RP2: variants seen among roughly 807,000 people sequenced by gnomAD.
RP2 encodes RP2 activator of ARL3 GTPase, also known as protein XRP2.
RP2 carries 3 observed loss-of-function variants against 20.3 expected under a neutral mutation model. That is an observed-to-expected ratio of 0.15 (90% CI 0.07 to 0.38). The LOEUF is 0.38. Among genes scored for constraint, RP2 ranks in the 10% least tolerant of loss-of-function variants. The pLI is 1.00. For synonymous variants in RP2, 75 were observed against 94.8 expected (o/e 0.79, Z 1.22); for missense variants, 233 against 268.5 (o/e 0.87, Z 0.92).
intron 1 of RP2, among the ~76,000 whole-genome samples, chrX:46,842,198 A>G (rs1924633761): frequency 8.9e-6 from 1 of 112,567 alleles, no homozygotes; most frequent in Non-Finnish European, 1.9e-5. Flanking sequence ...TACAGGCATG[A>G]GCCACAGTGC....
chrX:46,847,395 T>G (rs1418684361), intron 1 of RP2, among the ~76,000 whole-genome samples: 2 of 110,490 alleles, frequency 1.8e-5, no homozygotes, highest in African/African-American at 3.3e-5. Context: ...CACTCACTTT[T>G]TCTTTTGTGG....
At chrX:46,852,580 TTTATTA>T (rs1184661524) in intron 1 of RP2, among the ~76,000 whole-genome samples, 1 of 110,257 alleles carries the variant, frequency 9.1e-6, no homozygotes, top group Non-Finnish European at 1.9e-5. Flanking sequence ...AGAATTTTAT[TTTATTA>T]TTATTATTAT....
At chrX:46,853,386 TAAG>T in intron 1 of RP2, 87 bp from the exon 2 acceptor site, 2 of 828,754 alleles carry the variant, frequency 2.4e-6, no homozygotes, top group Non-Finnish European at 3.5e-6. Flanking sequence ...ATTTCAGCAC[TAAG>T]AACTGTGCCT....
rs1454907491 is a variant in RP2, at chrX:46,853,361, A to G, written c.103-115A>G. The G allele has an allele frequency of 4.9e-6, 3 of 614,663 alleles. No individual in the cohort carries two copies. In the East Asian group the frequency reaches 1.0e-4, roughly 21 times the overall value. The allele number at this position is 614,663 out of a possible 1,213,427, so 50.7% of individuals were successfully genotyped here. A position where few individuals can be genotyped will look rare whatever the true frequency, so the allele number is the denominator to read the frequency against. On this transcript the variant is annotated intron_variant, in intron 1 of 4. Coordinates refer to ENST00000218340, the MANE Select transcript of RP2 (RefSeq NM_006915.3). Reference sequence around the variant, plus strand: ...TTGTTACTGTGTTTCAAAGTCATTGAGATTAAGAATTTATATTTCAGCACT... The same window carrying G: ...TTGTTACTGTGTTTCAAAGTCATTGGGATTAAGAATTTATATTTCAGCACT...
chrX:46,853,476 G>C lies in RP2; in HGVS notation c.103G>C (p.Val35Leu). Residue 35 changes from valine to leucine, a missense_variant and splice_region_variant, in exon 2 of 5, where the codon GTT becomes CTT. By Grantham distance (32) the Val-to-Leu change is conservative. Around this residue, in one of 3 missense-constraint regions of RP2, gnomAD observed 77 missense variants for 71.8 expected, o/e 1.07. Coordinates refer to ENST00000218340, the MANE Select transcript of RP2 (RefSeq NM_006915.3). ...KQYSWDQREK[V>L]DPKDYMFSGL... ...CAAGGTCTGTGTTTTGTTCCTGCAGGTTGATCCAAAAGACTACATGTTCAG... is the reference window on the plus strand; with the variant it reads ...CAAGGTCTGTGTTTTGTTCCTGCAGCTTGATCCAAAAGACTACATGTTCAG... 8.3e-7 allele frequency: 1 copy of C among 1,208,614 alleles called. No individual in the cohort carries two copies.
At position 46,880,590 on chromosome X, in the gene RP2, G is replaced by C. The variant is rs1556328562; in HGVS notation, c.*821G>C. 1 of 111,699 alleles carries C rather than the reference G, an allele frequency of 9.0e-6. No homozygotes were observed. The highest frequency in any genetic ancestry group is 1.9e-5 in the Non-Finnish European group (1 of 53,079). 9.2% of individuals were successfully genotyped at this position (111,699 alleles called of 1,213,427 possible). ...TTTATTAGCTCTTGTGGGCTATCAA[G>C]AGAATTGGAACAAAACCTTGTGACT... On this transcript the variant is annotated 3_prime_UTR_variant, in exon 5 of 5. Coordinates refer to ENST00000218340, the MANE Select transcript of RP2 (RefSeq NM_006915.3).
intron 1 of RP2, among the ~76,000 whole-genome samples, chrX:46,839,250 T>C (rs1924570151): frequency 8.9e-6 from 1 of 112,081 alleles, no homozygotes; most frequent in African/African-American, 3.2e-5. Flanking sequence ...TTTTATACAA[T>C]TTAAAATATT....
intron 2 of RP2, among the ~76,000 whole-genome samples, chrX:46,855,196 T>C (rs917155245): frequency 9.1e-6 from 1 of 110,286 alleles, no homozygotes; most frequent in African/African-American, 3.3e-5. Flanking sequence ...GGAAGCTAGG[T>C]TGGCAAAGCT....
chrX:46,867,698 C>CT (rs782601945), intron 3 of RP2, among the ~76,000 whole-genome samples: 2 of 109,462 alleles, frequency 1.8e-5, no homozygotes, highest in Admixed American at 9.8e-5. Context: ...AGTCTACTCT[C>CT]TATCTTCATG....
chrX:46,876,653 T>C (rs782600259), intron 3 of RP2, among the ~76,000 whole-genome samples: 4 of 111,678 alleles, frequency 3.6e-5, no homozygotes, highest in Non-Finnish European at 7.5e-5. Context: ...CCTTCAGTTA[T>C]CTTGATGCCC....
Position 46,837,217 on chromosome X carries a change from G to A in RP2, c.102+15G>A, listed in dbSNP as rs782752839. 204 of 1,158,547 alleles carry A rather than the reference G, an allele frequency of 1.8e-4. 1 individual carries two copies. In the South Asian group the frequency reaches 3.0e-3, roughly 17 times the overall value. On this transcript the variant is annotated intron_variant, in intron 1 of 4. Transcript: ENST00000218340. The stretch of plus-strand genomic sequence containing the variant: ...AGCGCGAGAAGGTAATGAAAGTCGT[G>A]TAGCCGCCGTCTCAGCCTCCCTGAG...
At chrX:46,849,380 C>A (rs1404862702) in intron 1 of RP2, among the ~76,000 whole-genome samples, 1 of 109,149 alleles carries the variant, frequency 9.2e-6, no homozygotes. Context: ...TTTTTTACCC[C>A]CCTTCCACCA....
At chrX:46,854,166 G>A (rs1556318786) in intron 2 of RP2, 25 bp downstream of exon 2, 9 of 1,170,387 alleles carry the variant, frequency 7.7e-6, no homozygotes, top group Non-Finnish European at 1.0e-5. Context: ...AAGAGAAATA[G>A]TCATACACCT....
intron 1 of RP2, among the ~76,000 whole-genome samples, chrX:46,839,498 G>A (rs1203397803): frequency 9.9e-5 from 11 of 110,686 alleles, no homozygotes; most frequent in African/African-American, 3.6e-4. Context: ...GCTGCAATGA[G>A]TCATGATCGG....
chrX:46,847,815 T>TATGTGTGTGTGTATATATATACACAC (rs2147079061), intron 1 of RP2, among the ~76,000 whole-genome samples: 1 of 97,895 alleles, frequency 1.0e-5, no homozygotes, highest in African/African-American at 3.7e-5. Context: ...TATACACACA[T>TATGTGTGTGTGTATATATATACACAC]ATATGTGTAT....
intron 1 of RP2, among the ~76,000 whole-genome samples, chrX:46,841,325 C>T (rs1407779745): frequency 8.9e-6 from 1 of 112,189 alleles, no homozygotes; most frequent in Non-Finnish European, 1.9e-5. Context: ...GAAAAGTATT[C>T]TAGTTACCCA....
chrX:46,854,004 C>G lies in RP2; in HGVS notation c.631C>G (p.Arg211Gly), dbSNP rs782023042. The stretch of plus-strand genomic sequence containing the variant: ...TACTACCGAAGAGCTCAAAGCTGTT[C>G]GTGTTTCCACAGAAGCCAATAGAAG... Reference protein sequence around the residue: ...IPTTEELKAVRVSTEANRSIV... With the variant: ...IPTTEELKAVGVSTEANRSIV... The change falls in exon 2 of 5, where the codon CGT (arginine) becomes GGT (glycine). Residue 211 changes from arginine (R) to glycine (G), a missense_variant. Around this residue, in one of 3 missense-constraint regions of RP2, gnomAD observed 118 missense variants for 123.8 expected, o/e 0.95. Coordinates refer to ENST00000218340, the MANE Select transcript of RP2 (RefSeq NM_006915.3). The G allele has an allele frequency of 8.3e-7, 1 of 1,211,703 alleles. No homozygotes were observed. The highest frequency in any genetic ancestry group is 1.1e-6 in the Non-Finnish European group (1 of 895,509).
chrX:46,866,739 T>C (rs1470261883), intron 3 of RP2, among the ~76,000 whole-genome samples: 1 of 112,073 alleles, frequency 8.9e-6, no homozygotes, highest in African/African-American at 3.2e-5. Flanking sequence ...GATTCATTTG[T>C]TACAAGCTTC....
At chrX:46,874,032 A>G (rs1925333548) in intron 3 of RP2, among the ~76,000 whole-genome samples, 1 of 111,146 alleles carries the variant, frequency 9.0e-6, no homozygotes, top group Non-Finnish European at 1.9e-5. Context: ...GCTGCGTTCT[A>G]GGAACACCAT....
Sources: allele counts gnomAD v4.1 joint callset (sites outside exome capture counted in the v4.1 genomes callset), GRCh38; gene constraint gnomAD v4.1.1; regional missense constraint gnomAD v4.1.1; transcripts MANE v1.5; gene names NCBI Gene and HGNC (gene_info 2026-07-23, HGNC 2026-07-21).